Variants in TNFAIP8L3 observed in about 807,000 individuals in gnomAD.
TNFAIP8L3 encodes the protein tumor necrosis factor alpha-induced protein 8-like protein 3.
A neutral mutation model predicts 11.8 loss-of-function variants in TNFAIP8L3; 7 were observed. The ratio of observed to expected loss-of-function variants is 0.59; its 90% CI spans 0.34 to 1.11. The LOEUF is 1.11. Ranked by LOEUF, TNFAIP8L3 falls within the 50% of genes most tolerant of loss-of-function variation. The pLI, the probability that TNFAIP8L3 is intolerant of heterozygous loss-of-function variation, is 0.03. For missense variants in TNFAIP8L3, 219 were observed against 258.6 expected (o/e 0.85, Z 1.05); for synonymous variants, 98 against 103.8 (o/e 0.94, Z 0.34).
At chr15:51,098,473 A>G (rs570244950), upstream of TNFAIP8L3, among the ~76,000 whole-genome samples, 3 of 152,304 alleles carry the variant, frequency 2.0e-5, no homozygotes, top group East Asian at 1.9e-4. Flanking sequence ...GGGGGCCTCC[A>G]TGGGACTGTA....
In TNFAIP8L3 at chr15:51,058,063, C is replaced by T; in HGVS notation, c.433G>A (p.Val145Met). 2 of 1,614,108 alleles carry T rather than the reference C, an allele frequency of 1.2e-6. No individual in the cohort carries two copies. The highest frequency in any genetic ancestry group is 1.7e-6 in the Non-Finnish European group (2 of 1,180,002). The change falls in exon 2 of 2, where the codon GTG (valine) becomes ATG (methionine). Residue 145 changes from valine to methionine, a missense_variant. Coordinates refer to ENST00000637513, the MANE Select transcript of TNFAIP8L3 (RefSeq NM_001311175.2). ...SNLLHECKDL[V>M]HELVQRHLTP... ...AGGTGCCGCTGCACCAGTTCATGCA[C>T]CAGGTCCTTGCACTCATGCAGGAGA...
rs1297858429 is a variant in TNFAIP8L3, at chr15:51,094,808, T to A, written c.-213A>T. The A allele has an allele frequency of 1.5e-6, 1 of 658,486 alleles. No homozygotes were observed. Among genetic ancestry groups the A allele is most frequent in the Non-Finnish European group, 1.9e-6 (1 of 533,574 alleles). 40.8% of individuals were successfully genotyped at this position (658,486 alleles called of 1,614,324 possible). On this transcript the variant is annotated 5_prime_UTR_variant, in exon 1 of 2. Coordinates refer to ENST00000637513, the MANE Select transcript of TNFAIP8L3 (RefSeq NM_001311175.2). This position sits in a 1 kb window ranked among gnomAD's most constrained non-coding sequence, Gnocchi z 4.4. ...CTCCCCGCGCCCGCCGGCCGGTGCC[T>A]GCGCGCGAGGCGAGCGCAGGGCGGA...
chr15:51,082,501 T>G (rs1218015894), intron 1 of TNFAIP8L3, among the ~76,000 whole-genome samples: 1 of 152,202 alleles, frequency 6.6e-6, no homozygotes, highest in Non-Finnish European at 1.5e-5. Flanking sequence ...TACTATAGAC[T>G]TTATCAACAC....
At position 51,076,081 on chromosome 15, in the gene TNFAIP8L3, CG is replaced by C. The variant is rs2065347475; in HGVS notation, c.53-17639del. The stretch of plus-strand genomic sequence containing the variant: ...TTTTGGATTTCAGTCAATCTGAATG[CG>C]GAACAGCAGGAAAGGGACATGTAAT... On this transcript the variant is annotated intron_variant, in intron 1 of 1. Coordinates refer to ENST00000637513, the MANE Select transcript of TNFAIP8L3 (RefSeq NM_001311175.2). Among the ~76,000 whole-genome samples the C allele has an allele frequency of 5.9e-5, 9 of 152,108 alleles. No individual in the cohort carries two copies. The South Asian group carries it at 1.9e-3, about 32-fold the overall frequency.
upstream of TNFAIP8L3, among the ~76,000 whole-genome samples, chr15:51,097,937 CT>C (rs1487032033): frequency 1.3e-5 from 2 of 152,124 alleles, no homozygotes; most frequent in African/African-American, 4.8e-5. Context: ...AATGGCATCA[CT>C]TTGCAGACTT....
chr15:51,097,211 G>A (rs1290117573), upstream of TNFAIP8L3, among the ~76,000 whole-genome samples: 3 of 152,116 alleles, frequency 2.0e-5, no homozygotes, highest in Middle Eastern at 3.2e-3. Context: ...GGTAGCCTGG[G>A]TTGCAGTGTG....
intron 1 of TNFAIP8L3, among the ~76,000 whole-genome samples, chr15:51,103,520 A>G (rs572308861): frequency 6.6e-6 from 1 of 152,332 alleles, no homozygotes; most frequent in African/African-American, 2.4e-5. Context: ...AATTTGTGTT[A>G]TCTAGACATT....
chr15:51,086,294 A>G (rs2065426993), intron 1 of TNFAIP8L3, among the ~76,000 whole-genome samples: 1 of 152,216 alleles, frequency 6.6e-6, no homozygotes, highest in Admixed American at 6.5e-5. Context: ...TCTGCCTAGC[A>G]GTGGCTTTGT....
At chr15:51,096,960 C>T (rs747147755), upstream of TNFAIP8L3, among the ~76,000 whole-genome samples, 8 of 149,786 alleles carry the variant, frequency 5.3e-5, no homozygotes, top group South Asian at 2.1e-4. Flanking sequence ...AGATGATACT[C>T]GAAAAACAAA....
At chr15:51,071,049 T>A (rs1595609400) in intron 1 of TNFAIP8L3, among the ~76,000 whole-genome samples, 2 of 37,576 alleles carry the variant, frequency 5.3e-5, no homozygotes, top group South Asian at 7.4e-4. Flanking sequence ...AGACTCCGTC[T>A]CAAAAAAAAA....
At chr15:51,068,817 G>A (rs1301481253) in intron 1 of TNFAIP8L3, among the ~76,000 whole-genome samples, 5 of 151,918 alleles carry the variant, frequency 3.3e-5, no homozygotes, top group South Asian at 2.1e-4. Context: ...ACAGGTGTGC[G>A]CCACCACGCC....
exon 1 of TNFAIP8L3, chr15:51,105,244 C>T (rs1183657655): frequency 1.0e-5 from 16 of 1,533,940 alleles, no homozygotes; most frequent in African/African-American, 2.8e-5. Flanking sequence ...GAGGTCTGGT[C>T]GTTTCCCATT....
At chr15:51,076,015 G>T (rs1399494316) in intron 1 of TNFAIP8L3, among the ~76,000 whole-genome samples, 1 of 151,998 alleles carries the variant, frequency 6.6e-6, no homozygotes, top group Admixed American at 6.6e-5. Flanking sequence ...TGTTCTACTT[G>T]ATTTTTTTTT....
intron 1 of TNFAIP8L3, among the ~76,000 whole-genome samples, chr15:51,078,806 C>A (rs966040221): frequency 4.6e-5 from 7 of 152,068 alleles, no homozygotes; most frequent in Admixed American, 4.6e-4. Context: ...CCTCCCATAT[C>A]TAACGAGGCC....
At chr15:51,077,077 G>T (rs2065357262) in intron 1 of TNFAIP8L3, among the ~76,000 whole-genome samples, 1 of 152,082 alleles carries the variant, frequency 6.6e-6, no homozygotes, top group Non-Finnish European at 1.5e-5. Context: ...ATCGACCTTG[G>T]AGCCTCCAGC....
chr15:51,093,884 C>T (rs1281476271), intron 1 of TNFAIP8L3, among the ~76,000 whole-genome samples: 2 of 152,158 alleles, frequency 1.3e-5, no homozygotes, highest in Non-Finnish European at 2.9e-5. Context: ...GCTTTAATAA[C>T]TATCGATTGT....
chr15:51,101,632 A>G (rs933697596), intron 1 of TNFAIP8L3, among the ~76,000 whole-genome samples: 29 of 151,268 alleles, frequency 1.9e-4, no homozygotes. Context: ...AAACAAAAAA[A>G]AAAAAGAAAG....
chr15:51,097,365 G>A (rs1385321326), upstream of TNFAIP8L3, among the ~76,000 whole-genome samples: 1 of 152,218 alleles, frequency 6.6e-6, no homozygotes, highest in Non-Finnish European at 1.5e-5. Context: ...TCTTCATTAA[G>A]TATCTAGCAC....
intron 1 of TNFAIP8L3, among the ~76,000 whole-genome samples, chr15:51,076,374 G>C (rs1434541001): frequency 6.6e-6 from 1 of 152,156 alleles, no homozygotes; most frequent in Non-Finnish European, 1.5e-5. Flanking sequence ...TTCACATCAC[G>C]TAATGGGAGG....
Sources: gnomAD v4.1 joint callset for allele counts (sites outside exome capture counted in the v4.1 genomes callset) on GRCh38, gnomAD v4.1.1 for gene constraint, Gnocchi (gnomAD v3.1) non-coding constraint, MANE v1.5 for transcripts, NCBI Gene and HGNC (gene_info 2026-07-23, HGNC 2026-07-21) for gene names.